Variants in IST1 observed in about 807,000 individuals in gnomAD.
The protein encoded by IST1 is IST1 factor associated with ESCRT-III, also known as IST1 homolog.
Under a neutral mutation model 37.0 loss-of-function variants are expected in IST1, and 23 were observed. The observed-to-expected ratio is 0.62, with a 90% CI of 0.45 to 0.88. The LOEUF is 0.88. Among genes scored for constraint, IST1 ranks in the 40% least tolerant of loss-of-function variants. IST1 has a pLI of 0.00. For synonymous variants in IST1, 180 were observed against 161.7 expected (o/e 1.11, Z -0.86); for missense variants, 488 against 445.4 (o/e 1.10, Z -0.86).
At chr16:71,896,205 T>TG (rs1283421902) in intron 1 of IST1, among the ~76,000 whole-genome samples, 1 of 151,942 alleles carries the variant, frequency 6.6e-6, no homozygotes, top group Non-Finnish European at 1.5e-5. Context: ...GAAGGATCCT[T>TG]GCGCCTCTCC....
chr16:71,907,280 A>ATT (rs769698886), intron 1 of IST1, among the ~76,000 whole-genome samples: 115 of 125,362 alleles, frequency 9.2e-4, no homozygotes, highest in African/African-American at 2.9e-3. Flanking sequence ...TCCTTATGGG[A>ATT]TTTTTTTTTT....
chr16:71,921,514 CAAAA>C, intron 6 of IST1, 61 bp downstream of exon 6: 4 of 899,782 alleles, frequency 4.4e-6, no homozygotes, highest in Admixed American at 2.5e-5. Flanking sequence ...CTTTGGAAAA[CAAAA>C]AAAACATTCT....
At chr16:71,897,655 T>C (rs534277693) in intron 1 of IST1, among the ~76,000 whole-genome samples, 29 of 152,276 alleles carry the variant, frequency 1.9e-4, no homozygotes, top group Non-Finnish European at 3.2e-4. Context: ...AAAATTCTTA[T>C]TGAGTGGAGG....
intron 1 of IST1, among the ~76,000 whole-genome samples, chr16:71,914,108 G>T (rs2037417400): frequency 1.7e-5 from 1 of 59,684 alleles, no homozygotes; most frequent in South Asian, 7.5e-4. Context: ...GCGCCCGGCT[G>T]GTTTTTGTTG....
chr16:71,906,202 G>A (rs992052484), intron 1 of IST1, among the ~76,000 whole-genome samples: 1 of 150,832 alleles, frequency 6.6e-6, no homozygotes, highest in Non-Finnish European at 1.5e-5. Context: ...ACGGGGTTTC[G>A]CTGTGTTAGC....
chr16:71,915,568 G>A, intron 1 of IST1, 58 bp from the exon 2 acceptor site: 2 of 1,139,806 alleles, frequency 1.8e-6, no homozygotes, highest in South Asian at 1.3e-5. Flanking sequence ...CCTAAGAGGT[G>A]TTAGTTCCTG....
At position 71,927,811 on chromosome 16, in the gene IST1, T is replaced by C. The variant is rs1182970023; in HGVS notation, c.1099T>C (p.Ter367GlnextTer3). 16 of 1,612,216 alleles carry C rather than the reference T, an allele frequency of 9.9e-6. No homozygotes were observed. Among genetic ancestry groups the C allele is most frequent in the Middle Eastern group, 3.3e-4 (2 of 6,084 alleles). ...GTTTGAAGAGCTGAAAAAGAAAACA[T>C]AGGTCTCTTAAACCAGGCAACTTTC... ...RRFEELKKKT[*>Q] The change falls in exon 10 of 10, where the codon TAG becomes CAG. Residue 367 changes from the stop codon to glutamine (Q), a stop_lost. Coordinates refer to ENST00000378799, the MANE Select transcript of IST1 (RefSeq NM_001270975.2).
chr16:71,924,363 A>G (rs1252691742), intron 8 of IST1: 2 of 374,280 alleles, frequency 5.3e-6, no homozygotes, highest in African/African-American at 4.2e-5. Context: ...TAATCCCAGC[A>G]CTTTGGGAGG....
Position 71,895,634 on chromosome 16 carries a change from C to T in IST1, c.-16+45C>T, listed in dbSNP as rs574123562. 1.1e-5 allele frequency: 9 copies of T among 795,906 alleles called. No individual in the cohort carries two copies. The African/African-American group carries it at 1.7e-4, about 15-fold the overall frequency. The allele number at this position is 795,906 out of a possible 1,614,324, so 49.3% of individuals were successfully genotyped here. ...CGTCAGAGGTCTCTGTCTTCCTCTT[C>T]TCTCTGCGCTCCTGATTTAGCGGTC... On this transcript the variant is annotated intron_variant, in intron 1 of 9. Transcript: ENST00000378799.
intron 6 of IST1, 164 bp downstream of exon 6, chr16:71,921,617 C>G (rs553843606): frequency 5.3e-6 from 3 of 563,036 alleles, no homozygotes; most frequent in South Asian, 2.3e-5. Flanking sequence ...TCACAGGGTA[C>G]TTAAGGAATT....
Position 71,915,741 on chromosome 16 carries a change from C to CT in IST1, c.88+20dup. The CT allele has an allele frequency of 6.5e-7, 1 of 1,539,622 alleles. No homozygotes were observed. The highest frequency in any genetic ancestry group is 9.0e-7 in the Non-Finnish European group (1 of 1,115,332). ...GAGAAAAAGAAAAGTGAGTAGTGTA[C>CT]TTTTTTTCCCCAAAAATAAATCACT... On this transcript the variant is annotated intron_variant, in intron 2 of 9. Coordinates refer to ENST00000378799, the MANE Select transcript of IST1 (RefSeq NM_001270975.2).
intron 4 of IST1, among the ~76,000 whole-genome samples, chr16:71,918,637 C>G (rs968565332): frequency 1.3e-5 from 2 of 152,004 alleles, no homozygotes; most frequent in African/African-American, 4.8e-5. Context: ...AGGCTGGTCT[C>G]GAACTCCTGA....
At chr16:71,919,983 A>G (rs1195933471) in intron 4 of IST1, among the ~76,000 whole-genome samples, 1 of 152,212 alleles carries the variant, frequency 6.6e-6, no homozygotes, top group African/African-American at 2.4e-5. Context: ...TGGCGAGCGC[A>G]CACTGAACAA....
Position 71,928,528 on chromosome 16 carries a change from G to C in IST1, c.*715G>C, listed in dbSNP as rs1367270059. ...TTCCCTTGTACCAGAGGGCGGCACCGTGGAAATTCTGTTTTCCCTGTAGCA... is the reference window on the plus strand; with the variant it reads ...TTCCCTTGTACCAGAGGGCGGCACCCTGGAAATTCTGTTTTCCCTGTAGCA... On this transcript the variant is annotated 3_prime_UTR_variant, in exon 10 of 10. Coordinates refer to ENST00000378799, the MANE Select transcript of IST1 (RefSeq NM_001270975.2). 6.6e-6 allele frequency: 1 copy of C among 152,600 alleles called. No homozygotes were observed. Among genetic ancestry groups the C allele is most frequent in the African/African-American group, 2.4e-5 (1 of 41,420 alleles). 9.5% of individuals were successfully genotyped at this position (152,600 alleles called of 1,614,324 possible).
chr16:71,930,116 A>G lies in IST1; in HGVS notation c.*2303A>G, dbSNP rs1390456254. 1 of 1,551,558 alleles carries G rather than the reference A, an allele frequency of 6.4e-7. No individual in the cohort carries two copies. Among genetic ancestry groups the G allele is most frequent in the African/African-American group, 1.4e-5 (1 of 73,054 alleles). Reference sequence around the variant, plus strand: ...GGCCGAAACGAAAAGATTAATTACCACAAGTACCATCAAGATGACACTGGT... The same window carrying G: ...GGCCGAAACGAAAAGATTAATTACCGCAAGTACCATCAAGATGACACTGGT... On this transcript the variant is annotated 3_prime_UTR_variant, in exon 10 of 10. Transcript: ENST00000378799.
At chr16:71,908,517 G>A (rs2037279632) in intron 1 of IST1, among the ~76,000 whole-genome samples, 3 of 151,762 alleles carry the variant, frequency 2.0e-5, no homozygotes, top group African/African-American at 2.4e-5. Flanking sequence ...GGCTGGTCTC[G>A]AATACCACCC....
Position 71,916,583 on chromosome 16 carries a change from G to A in IST1, c.210G>A (p.Glu70=), listed in dbSNP as rs771680427. The change falls in exon 3 of 10, where the codon GAG becomes GAA. Residue 70 remains glutamate, a synonymous_variant. Coordinates refer to ENST00000378799, the MANE Select transcript of IST1 (RefSeq NM_001270975.2). The part of the protein sequence containing the change: ...IREDYLVEAM[E]ILELYCDLLL... Reference sequence around the variant, plus strand: ...AAGACTACCTCGTGGAGGCCATGGAGATCCTGGAGCTGTACTGTGACCTGC... The same window carrying A: ...AAGACTACCTCGTGGAGGCCATGGAAATCCTGGAGCTGTACTGTGACCTGC... The A allele has an allele frequency of 8.7e-6, 14 of 1,613,980 alleles. No homozygotes were observed. Among genetic ancestry groups the A allele is most frequent in the Middle Eastern group, 1.6e-4 (1 of 6,076 alleles).
Position 71,924,787 on chromosome 16 carries a change from G to A in IST1, c.871G>A (p.Asp291Asn), listed in dbSNP as rs1469610508. 5 of 1,610,240 alleles carry A rather than the reference G, an allele frequency of 3.1e-6. No homozygotes were observed. The Admixed American group carries it at 5.0e-5, about 16-fold the overall frequency. Residue 291 changes from aspartate to asparagine, a missense_variant, in exon 9 of 10, where the codon GAT becomes AAT. Asp to Asn is a conservative substitution (Grantham distance 23, BLOSUM62 1). Coordinates refer to ENST00000378799, the MANE Select transcript of IST1 (RefSeq NM_001270975.2). The part of the protein sequence containing the change: ...SYESVDDINA[D>N]KNISSAQIVG... ...GTTTCAGGTAGATGACATTAATGCT[G>A]ATAAGAATATCTCTTCTGCACAGAT...
At chr16:71,899,804 A>G (rs1361156334) in intron 1 of IST1, among the ~76,000 whole-genome samples, 1 of 152,096 alleles carries the variant, frequency 6.6e-6, no homozygotes, top group Non-Finnish European at 1.5e-5. Flanking sequence ...CGGGTGGATC[A>G]CAAGGTCAGG....
Sources: allele counts gnomAD v4.1 joint callset (sites outside exome capture counted in the v4.1 genomes callset), GRCh38; gene constraint gnomAD v4.1.1; transcripts MANE v1.5; gene names NCBI Gene and HGNC (gene_info 2026-07-23, HGNC 2026-07-21).